ZSCAN29: variants seen among roughly 807,000 people sequenced by gnomAD.
The protein encoded by ZSCAN29 is zinc finger and SCAN domain-containing protein 29.
A neutral mutation model predicts 71.9 loss-of-function variants in ZSCAN29; 55 were observed. That is an observed-to-expected ratio of 0.76 (90% CI 0.62 to 0.96). ZSCAN29 has a LOEUF of 0.96. ZSCAN29 is among the 40% of genes least tolerant of loss of function. The pLI is 0.00. For synonymous variants in ZSCAN29, 351 were observed against 371.6 expected (o/e 0.94, Z 0.64); for missense variants, 1,042 against 1,042.2 (o/e 1.00, Z 0.00).
chr15:43,367,833 T>G (rs2044054523), intron 3 of ZSCAN29, among the ~76,000 whole-genome samples: 1 of 152,158 alleles, frequency 6.6e-6, no homozygotes, highest in South Asian at 2.1e-4. Flanking sequence ...ATTACCAAAC[T>G]GGCTGAGAAG....
Position 43,364,079 on chromosome 15 carries a change from G to C in ZSCAN29, c.1526C>G (p.Thr509Ser), listed in dbSNP as rs769999057. 3.1e-6 allele frequency: 5 copies of C among 1,614,164 alleles called. No individual in the cohort carries two copies. The African/African-American group carries it at 6.7e-5, about 22-fold the overall frequency. The change falls in exon 5 of 6, where the codon ACT becomes AGT. Residue 509 changes from threonine to serine, a missense_variant. Transcript: ENST00000684362. ...AAPPNDGQEE[T>S]ASCPVQGTSE... The stretch of plus-strand genomic sequence containing the variant: ...GGTCCCCTGGACGGGGCAAGAAGCA[G>C]TCTCTTCCTGGCCATCATTGGGTGG...
chr15:43,361,591 C>T lies in ZSCAN29; in HGVS notation c.2041G>A (p.Ala681Thr). The change falls in exon 6 of 6, where the codon GCT becomes ACT. Residue 681 changes from alanine to threonine, a missense_variant. Physicochemically the swap from Ala to Thr is moderately conservative, Grantham distance 58. Coordinates refer to ENST00000684362, the MANE Select transcript of ZSCAN29 (RefSeq NM_001372080.1). ...SHQVENPYKC[A>T]DCGKSFSRSA... ...CGACTGAAGCTTTTCCCACAATCAGCACATTTATATGGATTTTCCACCTGG... is the reference window on the plus strand; with the variant it reads ...CGACTGAAGCTTTTCCCACAATCAGTACATTTATATGGATTTTCCACCTGG... 6.2e-7 allele frequency: 1 copy of T among 1,614,186 alleles called. No individual in the cohort carries two copies. The highest frequency in any genetic ancestry group is 8.5e-7 in the Non-Finnish European group (1 of 1,180,044).
rs2044100016 is a variant in ZSCAN29 at position 43,370,884 on chromosome 15, AC to A, written c.-440del. ...GCGCCCTGAGGGCGCCCTCCAGCCC[AC>A]CCCTGGGAGCGTCTCCCTCTCGAGC... is the stretch of plus-strand genomic sequence containing the variant. On this transcript the variant is annotated 5_prime_UTR_variant, in exon 1 of 6. Coordinates refer to ENST00000684362, the MANE Select transcript of ZSCAN29 (RefSeq NM_001372080.1). 5.6e-6 allele frequency: 1 copy of A among 179,188 alleles called. No individual in the cohort carries two copies. The highest frequency in any genetic ancestry group is 2.4e-5 in the African/African-American group (1 of 41,606). 11.1% of individuals were successfully genotyped at this position (179,188 alleles called of 1,614,324 possible). A position where few individuals can be genotyped will look rare whatever the true frequency, so the allele number is the denominator to read the frequency against.
rs1329008315 is a variant in ZSCAN29 at position 43,361,352 on chromosome 15, CT to C, written c.2279del (p.Lys760SerfsTer87). ...IIHQRTHTGEKPYQCEECGKS... is the reference protein window; with the variant it reads ...IIHQRTHTGEXPYQCEECGKS... ...TTCCACACTCTTCACATTGATAGGGCTTTTCTCCTGTGTGGGTTCTCTGGTG... is the reference window on the plus strand; with the variant it reads ...TTCCACACTCTTCACATTGATAGGGCTTTCTCCTGTGTGGGTTCTCTGGTG... On this transcript the variant is annotated frameshift_variant, in exon 6 of 6. Transcript: ENST00000684362. LOFTEE classifies it high-confidence loss of function. 2 of 1,613,894 alleles carry C rather than the reference CT, an allele frequency of 1.2e-6. No homozygotes were observed. The highest frequency in any genetic ancestry group is 1.7e-6 in the Non-Finnish European group (2 of 1,180,024).
intron 3 of ZSCAN29, 134 bp from the exon 4 acceptor site, chr15:43,366,942 A>G (rs2044046041): frequency 1.2e-6 from 1 of 822,254 alleles, no homozygotes; most frequent in Non-Finnish European, 1.9e-6. Flanking sequence ...CAGAAAGTTC[A>G]GTGGGCTGAA....
chr15:43,365,848 T>C (rs1566883328), intron 4 of ZSCAN29, among the ~76,000 whole-genome samples: 2 of 152,162 alleles, frequency 1.3e-5, no homozygotes, highest in Non-Finnish European at 2.9e-5. Context: ...AAAAATAGTT[T>C]AGTAAAGAAA....
chr15:43,368,786 AG>A (rs1263952957), intron 3 of ZSCAN29, 136 bp downstream of exon 3: 1 of 731,622 alleles, frequency 1.4e-6, no homozygotes, highest in Non-Finnish European at 2.2e-6. Flanking sequence ...TGAATACCAG[AG>A]GCTAAACTAC....
intron 2 of ZSCAN29, chr15:43,369,350 GA>G (rs200647560): frequency 0.012 from 5,600 of 455,458 alleles, no homozygotes; most frequent in South Asian, 0.02. Flanking sequence ...CCTTCAGGCT[GA>G]AAAAAAAAAA....
intron 3 of ZSCAN29, among the ~76,000 whole-genome samples, chr15:43,367,304 A>G (rs945675463): frequency 2.0e-5 from 3 of 152,152 alleles, no homozygotes; most frequent in African/African-American, 4.8e-5. Context: ...TCACACCCAG[A>G]TAATTGCAGC....
chr15:43,359,077 G>C lies in ZSCAN29; in HGVS notation c.*1996C>G, dbSNP rs1477123603. The C allele has an allele frequency of 1.3e-5, 2 of 152,142 alleles. No individual in the cohort carries two copies. Among genetic ancestry groups the C allele is most frequent in the African/African-American group, 4.8e-5 (2 of 41,406 alleles). 9.4% of individuals were successfully genotyped at this position (152,142 alleles called of 1,614,324 possible). Reference sequence around the variant, plus strand: ...CACCCAGCACTCAATTTTGCAACTAGTTATGGAAAGTTCTTCCTATCATAA... The same window carrying C: ...CACCCAGCACTCAATTTTGCAACTACTTATGGAAAGTTCTTCCTATCATAA... On this transcript the variant is annotated 3_prime_UTR_variant, in exon 6 of 6. Coordinates refer to ENST00000684362, the MANE Select transcript of ZSCAN29 (RefSeq NM_001372080.1).
chr15:43,363,789 A>T (rs1243921223), intron 5 of ZSCAN29, 126 bp downstream of exon 5: 15 of 876,118 alleles, frequency 1.7e-5, no homozygotes, highest in Non-Finnish European at 5.1e-6. Context: ...GACAAGAAAT[A>T]TGGGTGGTCA....
chr15:43,364,505 A>C (rs1271505212), intron 4 of ZSCAN29, 123 bp from the exon 5 acceptor site: 1 of 922,890 alleles, frequency 1.1e-6, no homozygotes, highest in Non-Finnish European at 1.7e-6. Flanking sequence ...AAAAAGTAAA[A>C]ATACTTCATG....
chr15:43,366,329 C>G lies in ZSCAN29; in HGVS notation c.1003G>C (p.Val335Leu), dbSNP rs1372107490. ...EEMEALMSAQ[V>L]IALPSNGLEA... ...AGGCCATTACTGGGCAGGGCAATGA[C>G]CTGAGCACTCATCAGGGCTTCCATC... Residue 335 changes from valine to leucine, a missense_variant, in exon 4 of 6, where the codon GTC becomes CTC. Physicochemically the swap from Val to Leu is conservative, Grantham distance 32 (BLOSUM62 1). Transcript: ENST00000684362. 1.2e-6 allele frequency: 2 copies of G among 1,613,414 alleles called. No individual in the cohort carries two copies. Among genetic ancestry groups the G allele is most frequent in the South Asian group, 2.2e-5 (2 of 91,078 alleles).
At chr15:43,368,811 CAT>C (rs2044065075) in intron 3 of ZSCAN29, 110 bp downstream of exon 3, 1 of 989,120 alleles carries the variant, frequency 1.0e-6, no homozygotes, top group Middle Eastern at 3.5e-4. Context: ...TCAACAACCA[CAT>C]ATTCTGCAAT....
In ZSCAN29 at chr15:43,363,985, A is replaced by G; in HGVS notation, c.1620T>C (p.Asp540=). 1 of 1,614,168 alleles carries G rather than the reference A, an allele frequency of 6.2e-7. No individual in the cohort carries two copies. The highest frequency in any genetic ancestry group is 8.5e-7 in the Non-Finnish European group (1 of 1,180,012). ...CTGGGGGTATCTCAGTATCCTCTTCATCATCATCAGAATCTTCCTCTGTGG... is the reference window on the plus strand; with the variant it reads ...CTGGGGGTATCTCAGTATCCTCTTCGTCATCATCAGAATCTTCCTCTGTGG... ...DEATEEDSDD[D]EEDTEIPPGA... The change falls in exon 5 of 6, where the codon GAT becomes GAC. Residue 540 remains aspartate (D), a synonymous_variant. Transcript: ENST00000684362.
Position 43,363,990 on chromosome 15 carries a change from C to G in ZSCAN29, c.1615G>C (p.Asp539His). 1 of 1,614,182 alleles carries G rather than the reference C, an allele frequency of 6.2e-7. No homozygotes were observed. Among genetic ancestry groups the G allele is most frequent in the Non-Finnish European group, 8.5e-7 (1 of 1,180,038 alleles). ...GGTATCTCAGTATCCTCTTCATCAT[C>G]ATCAGAATCTTCCTCTGTGGCCTCG... ...ADEATEEDSD[D>H]DEEDTEIPPG... The change falls in exon 5 of 6, where the codon GAT (aspartate) becomes CAT (histidine). Residue 539 changes from aspartate (D) to histidine (H), a missense_variant. Physicochemically the swap from Asp to His is moderately conservative, Grantham distance 81. Coordinates refer to ENST00000684362, the MANE Select transcript of ZSCAN29 (RefSeq NM_001372080.1).
rs535020720 is a variant in ZSCAN29, at chr15:43,370,117, T to A, written c.-112-92A>T. ...GGCCTGCCTTTCCATGTGCTCCGAG[T>A]GGCCTTCTAAGGTAGCACAATCTTC... On this transcript the variant is annotated intron_variant, in intron 1 of 5. Coordinates refer to ENST00000684362, the MANE Select transcript of ZSCAN29 (RefSeq NM_001372080.1). 6 of 595,938 alleles carry A rather than the reference T, an allele frequency of 1.0e-5. No individual in the cohort carries two copies. In the Admixed American group the frequency reaches 2.0e-4, roughly 20 times the overall value. 36.9% of individuals were successfully genotyped at this position (595,938 alleles called of 1,614,324 possible).
rs1305136335 is a variant in ZSCAN29, at chr15:43,358,344, A to C, written c.*2729T>G. ...GCTTTTCCCACGAGACTATACATAG[A>C]TATACTAAAGACAATACTTTTTTTT... On this transcript the variant is annotated 3_prime_UTR_variant, in exon 6 of 6. Transcript: ENST00000684362. 2.6e-5 allele frequency: 4 copies of C among 152,464 alleles called. No homozygotes were observed. Among genetic ancestry groups the C allele is most frequent in the South Asian group, 2.1e-4 (1 of 4,820 alleles). 9.4% of individuals were successfully genotyped at this position (152,464 alleles called of 1,614,324 possible). A position where few individuals can be genotyped will look rare whatever the true frequency, so the allele number is the denominator to read the frequency against.
Position 43,361,229 on chromosome 15 carries a change from C to G in ZSCAN29, c.2403G>C (p.Lys801Asn). Reference sequence around the variant, plus strand: ...TATGATGTGCACGTAAGTCAGAACTCTTACTGAAACTCTTTCCACAGTCAG... The same window carrying G: ...TATGATGTGCACGTAAGTCAGAACTGTTACTGAAACTCTTTCCACAGTCAG... ...VCPDCGKSFS[K>N]SSDLRAHHRT... The change falls in exon 6 of 6, where the codon AAG becomes AAC. Residue 801 changes from lysine (K) to asparagine (N), a missense_variant. Coordinates refer to ENST00000684362, the MANE Select transcript of ZSCAN29 (RefSeq NM_001372080.1). 6.2e-7 allele frequency: 1 copy of G among 1,613,862 alleles called. No homozygotes were observed. The highest frequency in any genetic ancestry group is 8.5e-7 in the Non-Finnish European group (1 of 1,179,950).
Sources: gnomAD v4.1 joint callset for allele counts (sites outside exome capture counted in the v4.1 genomes callset) on GRCh38, gnomAD v4.1.1 for gene constraint, MANE v1.5 for transcripts, NCBI Gene and HGNC (gene_info 2026-07-23, HGNC 2026-07-21) for gene names.